BEGAIN: variants seen among roughly 807,000 people sequenced by gnomAD.
BEGAIN encodes the protein brain enriched guanylate kinase associated.
Under a neutral mutation model 35.8 loss-of-function variants are expected in BEGAIN, and 19 were observed. That is an observed-to-expected ratio of 0.53 (90% CI 0.37 to 0.78). BEGAIN has a LOEUF of 0.78. Ranked by LOEUF, BEGAIN falls within the 30% of genes least tolerant of loss-of-function variation. BEGAIN has a pLI of 0.00. For synonymous variants in BEGAIN, 462 were observed against 388.6 expected (o/e 1.19, Z -2.22); for missense variants, 795 against 853.6 (o/e 0.93, Z 0.85).
intron 2 of BEGAIN, among the ~76,000 whole-genome samples, chr14:100,555,598 G>A (rs931225293): frequency 3.3e-5 from 5 of 152,238 alleles, no homozygotes; most frequent in African/African-American, 1.2e-4. Flanking sequence ...AAGGAACAGG[G>A]CCTGTCTGAG....
In BEGAIN at chr14:100,538,487, T is replaced by G; in HGVS notation, c.1321A>C (p.Ser441Arg). 2.6e-6 allele frequency: 4 copies of G among 1,553,682 alleles called. No homozygotes were observed. The highest frequency in any genetic ancestry group is 1.7e-4 in the Middle Eastern group (1 of 5,796). ...EDMRGQWRPL[S>R]VEDIGAYSYP... ...GAGTAGGCGCCGATGTCCTCCACGC[T>G]CAGGGGACGCCACTGGCCCCTCATG... Residue 441 changes from serine to arginine, a missense_variant, in exon 7 of 7, where the codon AGC becomes CGC. Around this residue, in one of 3 missense-constraint regions of BEGAIN, gnomAD observed 664 missense variants for 647.7 expected, o/e 1.03. Coordinates refer to ENST00000554140, the MANE Select transcript of BEGAIN (RefSeq NM_001385089.1).
At position 100,559,329 on chromosome 14, in the gene BEGAIN, C is replaced by T. The variant is rs555063998; in HGVS notation, c.71+8582G>A. On this transcript the variant is annotated intron_variant, in intron 2 of 6. Transcript: ENST00000554140. ...GATGGGGTTGGCAAGAGGGTGGGGC[C>T]GTGCACACCTTGGCCCCGGATCCCC... Among the ~76,000 whole-genome samples the T allele has an allele frequency of 1.3e-4, 20 of 152,300 alleles. No homozygotes were observed. In the East Asian group the frequency reaches 2.3e-3, roughly 18 times the overall value.
intron 1 of BEGAIN, among the ~76,000 whole-genome samples, chr14:100,580,389 G>A (rs925978738): frequency 1.3e-5 from 2 of 152,086 alleles, no homozygotes; most frequent in African/African-American, 2.4e-5. Flanking sequence ...ACACTGCAAG[G>A]CCCTGACAAT....
intron 3 of BEGAIN, chr14:100,545,544 G>A (rs2032265766): frequency 1.7e-6 from 1 of 604,330 alleles, no homozygotes; most frequent in African/African-American, 2.0e-5. Context: ...AGGAGGAGTG[G>A]AGCTGAGTGT....
In BEGAIN at chr14:100,563,559, G is replaced by A. The variant is rs1595138453; in HGVS notation, c.71+4352C>T. ...TTGGTAGAAAATGCGCACGGCCTTC[G>A]CCGGTGAGGAAACCCAGCGGGCAGC... On this transcript the variant is annotated intron_variant, in intron 2 of 6. Coordinates refer to ENST00000554140, the MANE Select transcript of BEGAIN (RefSeq NM_001385089.1). This position sits in a 1 kb window ranked among gnomAD's most constrained non-coding sequence, Gnocchi z 4.2. Among the ~76,000 whole-genome samples, 1 of 152,220 alleles carries A rather than the reference G, an allele frequency of 6.6e-6. No individual in the cohort carries two copies. The highest frequency in any genetic ancestry group is 6.5e-5 in the Admixed American group (1 of 15,288).
intron 1 of BEGAIN, among the ~76,000 whole-genome samples, chr14:100,580,532 GA>G (rs2035294027): frequency 6.6e-6 from 1 of 151,970 alleles, no homozygotes. Flanking sequence ...CCCTCTGCCA[GA>G]AACACTCTCA....
At chr14:100,580,299 T>A (rs920599642) in intron 1 of BEGAIN, among the ~76,000 whole-genome samples, 19 of 152,002 alleles carry the variant, frequency 1.2e-4, no homozygotes, top group Non-Finnish European at 1.2e-4. Context: ...CAAGACTCTA[T>A]CTAAAAAATA....
chr14:100,567,796 CG>C lies in BEGAIN; in HGVS notation c.71+114del. The stretch of plus-strand genomic sequence containing the variant: ...ACCTGGCCCGCAGCCCCGCCGAGGC[CG>C]CCCGCGGGCCCTGGGGGATGCGCTC... On this transcript the variant is annotated intron_variant, in intron 2 of 6. Transcript: ENST00000554140. The surrounding 1 kb of genome is among the most constrained non-coding windows in gnomAD (Gnocchi z 5.1). 9.0e-7 allele frequency: 1 copy of C among 1,117,136 alleles called. No individual in the cohort carries two copies. Among genetic ancestry groups the C allele is most frequent in the Non-Finnish European group, 1.2e-6 (1 of 851,722 alleles). The allele number at this position is 1,117,136 out of a possible 1,614,324, so 69.2% of individuals were successfully genotyped here. A position where few individuals can be genotyped will look rare whatever the true frequency, so the allele number is the denominator to read the frequency against.
At position 100,563,203 on chromosome 14, in the gene BEGAIN, G is replaced by C. The variant is rs866506841; in HGVS notation, c.71+4708C>G. Among the ~76,000 whole-genome samples the C allele has an allele frequency of 2.6e-4, 40 of 152,344 alleles. No individual in the cohort carries two copies. The highest frequency in any genetic ancestry group is 9.4e-4 in the African/African-American group (39 of 41,586). The stretch of plus-strand genomic sequence containing the variant: ...GCACCGGTCATAGGAGTGAAGGAGA[G>C]AGTGTGGCCCGAACACCTGGGTGTC... On this transcript the variant is annotated intron_variant, in intron 2 of 6. Transcript: ENST00000554140. This position sits in a 1 kb window ranked among gnomAD's most constrained non-coding sequence, Gnocchi z 4.2.
At chr14:100,541,113 A>G (rs1414473972) in intron 5 of BEGAIN, among the ~76,000 whole-genome samples, 1 of 152,236 alleles carries the variant, frequency 6.6e-6, no homozygotes, top group Admixed American at 6.5e-5. Flanking sequence ...CTGGGCAGGG[A>G]CTGGGCAGGT....
At position 100,566,686 on chromosome 14, in the gene BEGAIN, A is replaced by G. The variant is rs188783290; in HGVS notation, c.71+1225T>C. Among the ~76,000 whole-genome samples the G allele has an allele frequency of 7.2e-5, 11 of 152,314 alleles. No homozygotes were observed. The East Asian group carries it at 2.1e-3, about 29-fold the overall frequency. ...CGCCCCCACCTGGACCTTGGCCACG[A>G]CAAGGTGGGCCTGGCTGATGGGTAT... is the stretch of plus-strand genomic sequence containing the variant. On this transcript the variant is annotated intron_variant, in intron 2 of 6. Transcript: ENST00000554140.
At position 100,539,157 on chromosome 14, in the gene BEGAIN, G is replaced by T. The variant is rs376221488; in HGVS notation, c.651C>A (p.Arg217=). ...EKPDPASLSS[R]LSDASARDLA... ...GGTCGCGGGCGGAGGCATCGGACAG[G>T]CGGGAGGACAGGCTGGCGGGGTCCG... Residue 217 remains arginine, a synonymous_variant, in exon 7 of 7, where the codon CGC becomes CGA. Transcript: ENST00000554140. 1.9e-6 allele frequency: 3 copies of T among 1,597,266 alleles called. No homozygotes were observed. The highest frequency in any genetic ancestry group is 1.3e-5 in the African/African-American group (1 of 74,616).
intron 2 of BEGAIN, among the ~76,000 whole-genome samples, chr14:100,562,792 C>G (rs1045015268): frequency 6.6e-6 from 1 of 152,186 alleles, no homozygotes; most frequent in Non-Finnish European, 1.5e-5. Context: ...CACTCACTGC[C>G]TTCCTTTCTT....
rs2034458415 is a variant in BEGAIN, at chr14:100,563,636, G to A, written c.71+4275C>T. ...GCTGGAGGGACAGTGATGGGGAGAA[G>A]CGGTTTCAAGAGTCTGTTCCGATCT... On this transcript the variant is annotated intron_variant, in intron 2 of 6. Transcript: ENST00000554140. This position sits in a 1 kb window ranked among gnomAD's most constrained non-coding sequence, Gnocchi z 4.2. 6.6e-6 allele frequency among the ~76,000 whole-genome samples: 1 copy of A among 152,244 alleles called. No individual in the cohort carries two copies. The highest frequency in any genetic ancestry group is 1.9e-4 in the East Asian group (1 of 5,186).
rs1353585760 is a variant in BEGAIN at position 100,558,087 on chromosome 14, C to T, written c.71+9824G>A. 2.6e-5 allele frequency among the ~76,000 whole-genome samples: 4 copies of T among 152,172 alleles called. No homozygotes were observed. Among genetic ancestry groups the T allele is most frequent in the Non-Finnish European group, 4.4e-5 (3 of 68,026 alleles). ...GCTCCTGAACCATCCATTTTTCCCT[C>T]GCTTCCTGGTCATTCTCTGGCAGGC... On this transcript the variant is annotated intron_variant, in intron 2 of 6. Coordinates refer to ENST00000554140, the MANE Select transcript of BEGAIN (RefSeq NM_001385089.1). The surrounding 1 kb of genome is among the most constrained non-coding windows in gnomAD (Gnocchi z 4.6).
At chr14:100,578,991 G>A (rs1289978049) in intron 1 of BEGAIN, among the ~76,000 whole-genome samples, 5 of 151,690 alleles carry the variant, frequency 3.3e-5, no homozygotes, top group African/African-American at 1.2e-4. Context: ...TTCCAAAGTA[G>A]TTGAGACTAC....
Position 100,538,911 on chromosome 14 carries a change from C to T in BEGAIN, c.897G>A (p.Ala299=), listed in dbSNP as rs569494209. 5.6e-6 allele frequency: 9 copies of T among 1,607,534 alleles called. No individual in the cohort carries two copies. Among genetic ancestry groups the T allele is most frequent in the East Asian group, 4.5e-5 (2 of 44,690 alleles). The change falls in exon 7 of 7, where the codon GCG becomes GCA. Residue 299 remains alanine (A), a synonymous_variant. Transcript: ENST00000554140. The stretch of plus-strand genomic sequence containing the variant: ...TGGGGAAGGCCTCATGCTGGAAGCC[C>T]GCCGGGAAGGCCGCCGCCTCGGCCT... The part of the protein sequence containing the change: ...EEEAEAAAFP[A]GFQHEAFPSY...
chr14:100,584,889 G>A (rs1183327420), intron 1 of BEGAIN, among the ~76,000 whole-genome samples: 1 of 152,006 alleles, frequency 6.6e-6, no homozygotes, highest in Non-Finnish European at 1.5e-5. Context: ...CCAACACGGC[G>A]AGTCCTAGGG....
At chr14:100,569,379 T>G (rs531668114) in intron 1 of BEGAIN, 4 of 152,398 alleles carry the variant, frequency 2.6e-5, no homozygotes, top group Non-Finnish European at 5.9e-5. Context: ...GGGAAGACTT[T>G]GCCGCCGGCC....
Sources: allele counts gnomAD v4.1 joint callset (sites outside exome capture counted in the v4.1 genomes callset), GRCh38; gene constraint gnomAD v4.1.1; regional missense constraint gnomAD v4.1.1; non-coding constraint Gnocchi (gnomAD v3.1); transcripts MANE v1.5; gene names NCBI Gene and HGNC (gene_info 2026-07-23, HGNC 2026-07-21).